Variants in GRM5 observed in about 807,000 individuals in gnomAD.
GRM5 encodes the protein glutamate metabotropic receptor 5, also known as metabotropic glutamate receptor 5.
GRM5 carries 19 observed loss-of-function variants against 83.1 expected under a neutral mutation model. That is an observed-to-expected ratio of 0.23 (90% CI 0.16 to 0.34). The LOEUF is 0.34. Ranked by LOEUF, GRM5 falls within the 10% of genes least tolerant of loss-of-function variation. GRM5 has a pLI of 1.00. For missense variants in GRM5, 1,160 were observed against 1,588.3 expected, an observed-to-expected ratio of 0.73 and a Z score of 4.58; for synonymous variants, 675 against 633.6, an observed-to-expected ratio of 1.07 and a Z score of -0.98.
intron 3 of GRM5, among the ~76,000 whole-genome samples, chr11:88,842,478 C>G (rs1296081262): frequency 6.6e-6 from 1 of 152,188 alleles, no homozygotes; most frequent in Non-Finnish European, 1.5e-5. Flanking sequence ...TTTTATTACT[C>G]TATTCAGCCA....
chr11:88,651,339 C>G (rs930157355), intron 4 of GRM5, among the ~76,000 whole-genome samples: 1 of 151,860 alleles, frequency 6.6e-6, no homozygotes, highest in Non-Finnish European at 1.5e-5. Context: ...GAAAAATTCC[C>G]TTAAATATAC....
intron 8 of GRM5, among the ~76,000 whole-genome samples, chr11:88,546,422 TA>T (rs1942386663): frequency 6.6e-6 from 1 of 152,110 alleles, no homozygotes; most frequent in East Asian, 1.9e-4. Context: ...TGCTAATGAG[TA>T]AAGTCAAGAT....
chr11:88,804,656 T>C (rs1002838561), intron 3 of GRM5, among the ~76,000 whole-genome samples: 3 of 151,994 alleles, frequency 2.0e-5, no homozygotes, highest in African/African-American at 7.3e-5. Flanking sequence ...CTGCACATTG[T>C]GCACATGTAC....
chr11:88,760,267 G>T (rs1166404117), intron 3 of GRM5, among the ~76,000 whole-genome samples: 1 of 151,982 alleles, frequency 6.6e-6, no homozygotes, highest in East Asian at 1.9e-4. Context: ...ACATTCAAAA[G>T]ATCAATGAAT....
At chr11:88,707,231 T>C (rs1388175858) in intron 3 of GRM5, among the ~76,000 whole-genome samples, 1 of 152,118 alleles carries the variant, frequency 6.6e-6, no homozygotes, top group Non-Finnish European at 1.5e-5. Context: ...AATATTACAG[T>C]AGCTATCACA....
chr11:88,784,763 T>C (rs938953163), intron 3 of GRM5, among the ~76,000 whole-genome samples: 1 of 152,036 alleles, frequency 6.6e-6, no homozygotes, highest in African/African-American at 2.4e-5. Flanking sequence ...TTTCTCCCTA[T>C]AGAATTACAA....
chr11:88,787,131 ATGTGTGTGTGTGTGTGTGTGTGTGTG>A (rs57116541), intron 3 of GRM5, among the ~76,000 whole-genome samples: 4 of 143,444 alleles, frequency 2.8e-5, no homozygotes, highest in Admixed American at 7.1e-5. Context: ...ATATGATATG[ATGTGTGTGTGTGTGTGTGTGTGTGTG>A]TGTGTGTGTG....
At chr11:89,012,235 G>C (rs1940721419) in intron 2 of GRM5, among the ~76,000 whole-genome samples, 3 of 152,174 alleles carry the variant, frequency 2.0e-5, no homozygotes, top group Non-Finnish European at 4.4e-5. Flanking sequence ...ACTTTTTGTT[G>C]CCATGGAGAT....
chr11:89,000,942 T>TA (rs1242803621), intron 2 of GRM5, among the ~76,000 whole-genome samples: 1 of 150,914 alleles, frequency 6.6e-6, no homozygotes, highest in Non-Finnish European at 1.5e-5. Context: ...AAAAAGCACA[T>TA]AAAAAAATTC....
intron 8 of GRM5, among the ~76,000 whole-genome samples, chr11:88,532,087 C>T (rs551461929): frequency 2.6e-5 from 4 of 152,088 alleles, no homozygotes; most frequent in South Asian, 2.1e-4. Flanking sequence ...TCTGTGAAAG[C>T]GAGTTGGAAA....
chr11:88,797,853 G>A (rs1943311298), intron 3 of GRM5, among the ~76,000 whole-genome samples: 1 of 150,670 alleles, frequency 6.6e-6, no homozygotes, highest in East Asian at 2.0e-4. Context: ...TATGGATCTT[G>A]ATCTCTTCCT....
intron 3 of GRM5, among the ~76,000 whole-genome samples, chr11:88,809,981 G>T (rs1943562059): frequency 6.6e-6 from 1 of 152,002 alleles, no homozygotes; most frequent in Non-Finnish European, 1.5e-5. Flanking sequence ...TTATCTAACT[G>T]CCCTACTCAG....
At chr11:88,814,432 T>C (rs1040799376) in intron 3 of GRM5, among the ~76,000 whole-genome samples, 1 of 152,190 alleles carries the variant, frequency 6.6e-6, no homozygotes, top group Non-Finnish European at 1.5e-5. Flanking sequence ...AGTCTGAAAG[T>C]ATTGAATCGA....
intron 6 of GRM5, among the ~76,000 whole-genome samples, chr11:88,592,112 A>C (rs553937823): frequency 6.6e-6 from 1 of 152,340 alleles, no homozygotes; most frequent in South Asian, 2.1e-4. Context: ...TGAAAGACGC[A>C]GGGGAAAGAG....
At chr11:88,885,010 C>T (rs1945018567) in intron 2 of GRM5, among the ~76,000 whole-genome samples, 1 of 152,110 alleles carries the variant, frequency 6.6e-6, no homozygotes, top group Non-Finnish European at 1.5e-5. Context: ...AAAATTTCCA[C>T]ATTACTGCCT....
At chr11:89,033,994 T>G (rs1247431230) in intron 2 of GRM5, among the ~76,000 whole-genome samples, 1 of 151,698 alleles carries the variant, frequency 6.6e-6, no homozygotes, top group African/African-American at 2.4e-5. Flanking sequence ...GGTTAAAATA[T>G]AAAAAGTGTT....
intron 2 of GRM5, among the ~76,000 whole-genome samples, chr11:88,965,048 A>G (rs1322859663): frequency 6.6e-6 from 1 of 152,198 alleles, no homozygotes; most frequent in East Asian, 1.9e-4. Flanking sequence ...TACATCAATA[A>G]TAGCATTTTC....
chr11:88,618,023 CT>C (rs1938530319), intron 4 of GRM5, among the ~76,000 whole-genome samples: 1 of 152,182 alleles, frequency 6.6e-6, no homozygotes, highest in Admixed American at 6.6e-5. Context: ...AGCATACCAA[CT>C]TTTGAGAACT....
chr11:88,851,822 C>T (rs139704187), intron 2 of GRM5, among the ~76,000 whole-genome samples: 16,462 of 152,152 alleles, frequency 0.11, 1,435 homozygotes, highest in African/African-American at 0.22. Context: ...CATCTTTTCC[C>T]TCCTTCTCCA....
Sources: gnomAD v4.1 joint callset for allele counts (sites outside exome capture counted in the v4.1 genomes callset) on GRCh38, gnomAD v4.1.1 for gene constraint, MANE v1.5 for transcripts, NCBI Gene and HGNC (gene_info 2026-07-23, HGNC 2026-07-21) for gene names.